The following N4BP2L2 variants were observed in gnomAD, a reference collection of about 807,000 sequenced individuals.
The protein encoded by N4BP2L2 is NEDD4-binding protein 2-like 2.
Under a neutral mutation model 56.2 loss-of-function variants are expected in N4BP2L2, and 50 were observed. The observed-to-expected ratio is 0.89, with a 90% CI of 0.71 to 1.13. The LOEUF is 1.13. Among genes scored for constraint, N4BP2L2 ranks in the 50% most tolerant of loss-of-function variants. N4BP2L2 has a pLI of 0.00. For missense variants in N4BP2L2, 689 were observed against 693.8 expected, an observed-to-expected ratio of 0.99 and a Z score of 0.08; for synonymous variants, 203 against 223.6, an observed-to-expected ratio of 0.91 and a Z score of 0.82.
intron 6 of N4BP2L2, among the ~76,000 whole-genome samples, chr13:32,473,421 T>C (rs2082687889): frequency 6.6e-6 from 1 of 152,186 alleles, no homozygotes; most frequent in Non-Finnish European, 1.5e-5. Context: ...ATTGACTGGA[T>C]CCTAGTTTGG....
At chr13:32,517,392 G>C (rs1191978681) in exon 6 of N4BP2L2, 3 of 994,372 alleles carry the variant, frequency 3.0e-6, no homozygotes, top group Non-Finnish European at 1.2e-6. Context: ...TACCAAGTCA[G>C]TATTTCTTGC....
At chr13:32,533,134 T>C (rs532805236) in intron 2 of N4BP2L2, among the ~76,000 whole-genome samples, 1 of 152,344 alleles carries the variant, frequency 6.6e-6, no homozygotes, top group South Asian at 2.1e-4. Flanking sequence ...TCTCGTTTTT[T>C]TAAACTGTCC....
At chr13:32,530,650 G>C (rs1406907026) in intron 2 of N4BP2L2, among the ~76,000 whole-genome samples, 1 of 151,934 alleles carries the variant, frequency 6.6e-6, no homozygotes, top group African/African-American at 2.4e-5. Context: ...CCTCATAAAA[G>C]CCTGCCAATT....
At chr13:32,537,667 ATAACT>A (rs1378775957) in intron 1 of N4BP2L2, among the ~76,000 whole-genome samples, 3 of 152,192 alleles carry the variant, frequency 2.0e-5, no homozygotes, top group African/African-American at 7.2e-5. Flanking sequence ...GGGGGAAGAG[ATAACT>A]TAAGTTGTAA....
chr13:32,526,829 T>TG (rs2053065577), intron 3 of N4BP2L2: 1 of 139,444 alleles, frequency 7.2e-6, no homozygotes, highest in Non-Finnish European at 1.5e-5. Context: ...TTTTTTTTTT[T>TG]TTTTTTTTTT....
chr13:32,473,739 C>T (rs2082741134), intron 6 of N4BP2L2, among the ~76,000 whole-genome samples: 1 of 152,230 alleles, frequency 6.6e-6, no homozygotes, highest in African/African-American at 2.4e-5. Flanking sequence ...GCAACACTGT[C>T]TCTCTCTGTG....
intron 2 of N4BP2L2, among the ~76,000 whole-genome samples, chr13:32,535,371 C>T (rs979227742): frequency 2.0e-5 from 3 of 152,188 alleles, no homozygotes; most frequent in African/African-American, 2.4e-5. Context: ...CATAATTATA[C>T]GTAGTGTTAT....
At chr13:32,478,968 A>G (rs957373013) in intron 6 of N4BP2L2, 2 of 152,018 alleles carry the variant, frequency 1.3e-5, no homozygotes, top group Non-Finnish European at 2.9e-5. Flanking sequence ...TATCTCTACT[A>G]ACAATACAAA....
chr13:32,492,273 ATTTTTTTTTTTTTTT>A, intron 6 of N4BP2L2, among the ~76,000 whole-genome samples: 1 of 72,144 alleles, frequency 1.4e-5, no homozygotes, highest in East Asian at 5.0e-4. Context: ...AAACACCAAA[ATTTTTTTTTTTTTTT>A]TTTTTTTTTT....
intron 6 of N4BP2L2, among the ~76,000 whole-genome samples, chr13:32,499,171 T>C (rs17077624): frequency 0.011 from 1,745 of 152,182 alleles, 38 homozygotes; most frequent in African/African-American, 0.035. Context: ...CCAACTCCTA[T>C]AGGAAGCCTT....
chr13:32,532,694 G>GA (rs1260726407), intron 2 of N4BP2L2, among the ~76,000 whole-genome samples: 1 of 150,010 alleles, frequency 6.7e-6, no homozygotes, highest in Non-Finnish European at 1.5e-5. Flanking sequence ...GGGTTCAAGC[G>GA]ATTCTCCTGC....
chr13:32,480,522 A>T, intron 6 of N4BP2L2: 2 of 898,704 alleles, frequency 2.2e-6, no homozygotes, highest in African/African-American at 1.8e-5. Context: ...ACTTTTTTCT[A>T]CATAATTTTA....
chr13:32,456,848 T>C (rs901021798), intron 6 of N4BP2L2, among the ~76,000 whole-genome samples: 3 of 152,102 alleles, frequency 2.0e-5, no homozygotes, highest in Admixed American at 6.6e-5. Flanking sequence ...AAAAAATAAA[T>C]ATATATGCTG....
chr13:32,531,097 A>G (rs1044878001), intron 2 of N4BP2L2, among the ~76,000 whole-genome samples: 1 of 152,170 alleles, frequency 6.6e-6, no homozygotes, highest in African/African-American at 2.4e-5. Flanking sequence ...CAATCTTGAG[A>G]GAGCTCTTAG....
In N4BP2L2 at chr13:32,446,523, T is replaced by A. The variant is rs1329597958; in HGVS notation, c.366-2397A>T. On this transcript the variant is annotated intron_variant, in intron 6 of 9. Transcript: ENST00000357505. ...GAAAAAGAACAAATAGAGTTTGTTG[T>A]TGCGTTATTCATTCGATTAAATGGT... 3.1e-6 allele frequency: 4 copies of A among 1,299,860 alleles called. No homozygotes were observed. In the African/African-American group the frequency reaches 6.1e-5, roughly 20 times the overall value. The allele number at this position is 1,299,860 out of a possible 1,614,324, so 80.5% of individuals were successfully genotyped here.
intron 2 of N4BP2L2, among the ~76,000 whole-genome samples, chr13:32,531,526 C>T (rs1050405528): frequency 2.6e-4 from 39 of 152,260 alleles, no homozygotes; most frequent in Middle Eastern, 3.4e-3. Flanking sequence ...AACACTTTTC[C>T]TCCTTATCTA....
chr13:32,516,313 T>C (rs950858076), exon 6 of N4BP2L2: 1 of 152,228 alleles, frequency 6.6e-6, no homozygotes, highest in African/African-American at 2.4e-5. Flanking sequence ...AATTAGCATA[T>C]TCTTACATCG....
At chr13:32,489,715 T>G (rs528292331) in intron 6 of N4BP2L2, among the ~76,000 whole-genome samples, 281 of 151,098 alleles carry the variant, frequency 1.9e-3, no homozygotes, top group African/African-American at 6.6e-3. Flanking sequence ...GTTCATCCTG[T>G]AATATTACAA....
At chr13:32,489,765 G>A (rs201323388) in intron 6 of N4BP2L2, among the ~76,000 whole-genome samples, 123 of 137,790 alleles carry the variant, frequency 8.9e-4, no homozygotes, top group Admixed American at 9.7e-4. Context: ...TTCCCCTCCT[G>A]AAAAAAAAAA....
Sources: gnomAD v4.1 joint callset for allele counts (sites outside exome capture counted in the v4.1 genomes callset) on GRCh38, gnomAD v4.1.1 for gene constraint, MANE v1.5 for transcripts, NCBI Gene and HGNC (gene_info 2026-07-23, HGNC 2026-07-21) for gene names.